The following KLHL24 variants were observed in gnomAD, a reference collection of about 807,000 sequenced individuals.
The protein encoded by KLHL24 is kelch like family member 24, also known as kelch-like protein 24.
In KLHL24, 29 loss-of-function variants were observed where a neutral mutation model predicts 53.4. The observed-to-expected ratio is 0.54, with a 90% CI of 0.40 to 0.74. The LOEUF (loss-of-function observed/expected upper bound fraction) is 0.74. Ranked by LOEUF, KLHL24 falls within the 30% of genes least tolerant of loss-of-function variation. The pLI is 0.00. For missense variants in KLHL24, 504 were observed against 744.0 expected, an observed-to-expected ratio of 0.68 and a Z score of 3.75; for synonymous variants, 222 against 253.7, an observed-to-expected ratio of 0.88 and a Z score of 1.19.
chr3:183,682,937 GT>G lies in KLHL24; in HGVS notation c.*3666del, dbSNP rs761465934. 1.6e-3 allele frequency: 189 copies of G among 120,380 alleles called. No individual in the cohort carries two copies. The highest frequency in any genetic ancestry group is 4.1e-3 in the Middle Eastern group (1 of 242). The allele number at this position is 120,380 out of a possible 1,614,324, so 7.5% of individuals were successfully genotyped here. Reference sequence around the variant, plus strand: ...ATCTACTTCAAACTGTATTTTTTTCGTTTTTTTTTTTTTTTGGGGAAGGGGG... The same window carrying G: ...ATCTACTTCAAACTGTATTTTTTTCGTTTTTTTTTTTTTTGGGGAAGGGGG... On this transcript the variant is annotated 3_prime_UTR_variant, in exon 8 of 8. Transcript: ENST00000242810.
At chr3:183,677,942 C>G (rs984902795) in intron 7 of KLHL24, among the ~76,000 whole-genome samples, 1 of 152,088 alleles carries the variant, frequency 6.6e-6, no homozygotes. Context: ...CAAGCACCCC[C>G]CACCACGTCC....
chr3:183,645,380 G>A (rs1028833408), intron 2 of KLHL24, among the ~76,000 whole-genome samples: 12 of 152,120 alleles, frequency 7.9e-5, no homozygotes, highest in African/African-American at 2.2e-4. Flanking sequence ...TGATAGATAC[G>A]CTACTGCTCA....
intron 1 of KLHL24, among the ~76,000 whole-genome samples, chr3:183,639,056 C>T (rs998476746): frequency 6.6e-6 from 1 of 151,568 alleles, no homozygotes; most frequent in Non-Finnish European, 1.5e-5. Flanking sequence ...CAAAAATTAG[C>T]CGGGTGTGGC....
At chr3:183,638,030 C>T (rs1296030947) in intron 1 of KLHL24, among the ~76,000 whole-genome samples, 1 of 152,190 alleles carries the variant, frequency 6.6e-6, no homozygotes, top group Non-Finnish European at 1.5e-5. Flanking sequence ...TGAACAGTTC[C>T]TATTGGTTAT....
chr3:183,658,364 C>A (rs1299047693), intron 3 of KLHL24, among the ~76,000 whole-genome samples: 1 of 152,082 alleles, frequency 6.6e-6, no homozygotes, highest in Non-Finnish European at 1.5e-5. Context: ...ACACATAGAT[C>A]TCATTATTAT....
intron 1 of KLHL24, among the ~76,000 whole-genome samples, chr3:183,639,261 T>A (rs1715901269): frequency 6.6e-6 from 1 of 152,144 alleles, no homozygotes. Flanking sequence ...TGTAAATAAT[T>A]CGTGTCACTA....
At chr3:183,675,326 T>A (rs1016044809) in intron 7 of KLHL24, among the ~76,000 whole-genome samples, 2 of 152,162 alleles carry the variant, frequency 1.3e-5, no homozygotes, top group African/African-American at 4.8e-5. Flanking sequence ...CAATTAGTAA[T>A]ATATATGCAG....
intron 5 of KLHL24, among the ~76,000 whole-genome samples, chr3:183,670,115 A>ATTAGT: frequency 6.6e-6 from 1 of 152,018 alleles, no homozygotes; most frequent in South Asian, 2.1e-4. Flanking sequence ...ATAAAAATAA[A>ATTAGT]TTAGTAGGGT....
At chr3:183,675,551 G>A (rs539580326) in intron 7 of KLHL24, among the ~76,000 whole-genome samples, 1 of 152,260 alleles carries the variant, frequency 6.6e-6, no homozygotes, top group African/African-American at 2.4e-5. Flanking sequence ...CAAGTATTGA[G>A]ACTTATTTCT....
intron 3 of KLHL24, among the ~76,000 whole-genome samples, chr3:183,662,254 G>C (rs948485193): frequency 2.0e-5 from 3 of 152,086 alleles, no homozygotes; most frequent in African/African-American, 7.2e-5. Context: ...TACGTGATTT[G>C]GTTAGTTGAC....
At chr3:183,667,020 T>TA (rs1225438843) in intron 5 of KLHL24, among the ~76,000 whole-genome samples, 1 of 152,040 alleles carries the variant, frequency 6.6e-6, no homozygotes, top group Admixed American at 6.6e-5. Context: ...GTACCACCAA[T>TA]AAAAAAACAA....
intron 2 of KLHL24, among the ~76,000 whole-genome samples, chr3:183,647,653 G>C (rs958108951): frequency 1.3e-5 from 2 of 152,126 alleles, no homozygotes; most frequent in Non-Finnish European, 2.9e-5. Context: ...GGAGGTTACA[G>C]TGAGCCAAGA....
chr3:183,674,478 A>C (rs1023756702), intron 7 of KLHL24, among the ~76,000 whole-genome samples: 1 of 152,004 alleles, frequency 6.6e-6, no homozygotes, highest in Non-Finnish European at 1.5e-5. Context: ...CTCCTGCCTC[A>C]GCCTCCCGAG....
intron 1 of KLHL24, chr3:183,636,707 G>C (rs1483811239): frequency 6.6e-6 from 1 of 152,266 alleles, no homozygotes; most frequent in Non-Finnish European, 1.5e-5. Context: ...TCACTAGGTG[G>C]GCCTGCCCTG....
Position 183,680,525 on chromosome 3 carries a change from T to C in KLHL24, c.*1239T>C, listed in dbSNP as rs1176692809. The C allele has an allele frequency of 1.3e-5, 2 of 152,190 alleles. No individual in the cohort carries two copies. Among genetic ancestry groups the C allele is most frequent in the East Asian group, 3.8e-4 (2 of 5,204 alleles). 9.4% of individuals were successfully genotyped at this position (152,190 alleles called of 1,614,324 possible). On this transcript the variant is annotated 3_prime_UTR_variant, in exon 8 of 8. Coordinates refer to ENST00000242810, the MANE Select transcript of KLHL24 (RefSeq NM_017644.3). ...TTAAAATTAGTTATCTGAAAAAACT[T>C]AGCAGTAGTTCCCATCTTTAAGGTA...
chr3:183,679,215 A>G lies in KLHL24; in HGVS notation c.1732A>G (p.Met578Val), dbSNP rs763486521. The change falls in exon 8 of 8, where the codon ATG becomes GTG. Residue 578 changes from methionine to valine, a missense_variant. Met to Val is a conservative substitution (Grantham distance 21). Coordinates refer to ENST00000242810, the MANE Select transcript of KLHL24 (RefSeq NM_017644.3). Reference protein sequence around the residue: ...ATSIITGVAAMPRPVSYHGCV... With the variant: ...ATSIITGVAAVPRPVSYHGCV... ...AAGTATCATCACAGGGGTAGCTGCA[A>G]TGCCCAGGCCAGTGTCCTATCATGG... 33 of 1,613,950 alleles carry G rather than the reference A, an allele frequency of 2.0e-5. No individual in the cohort carries two copies. Among genetic ancestry groups the G allele is most frequent in the Non-Finnish European group, 2.4e-5 (28 of 1,179,956 alleles).
intron 3 of KLHL24, among the ~76,000 whole-genome samples, chr3:183,657,907 C>T (rs772933720): frequency 6.6e-6 from 1 of 152,066 alleles, no homozygotes; most frequent in Non-Finnish European, 1.5e-5. Context: ...TTTTTTGAAC[C>T]TCTTTTAGAA....
intron 6 of KLHL24, 40 bp downstream of exon 6, chr3:183,671,262 A>C: frequency 6.4e-7 from 1 of 1,561,054 alleles, no homozygotes; most frequent in East Asian, 2.3e-5. Flanking sequence ...AATATTAAGT[A>C]CAAGAAGGGA....
chr3:183,653,331 T>C (rs1718391037), intron 3 of KLHL24, among the ~76,000 whole-genome samples: 1 of 152,218 alleles, frequency 6.6e-6, no homozygotes, highest in South Asian at 2.1e-4. Flanking sequence ...TGTTACTGCA[T>C]GTTTGCTGTG....
Sources: allele counts gnomAD v4.1 joint callset (sites outside exome capture counted in the v4.1 genomes callset), GRCh38; gene constraint gnomAD v4.1.1; transcripts MANE v1.5; gene names NCBI Gene and HGNC (gene_info 2026-07-23, HGNC 2026-07-21).